Variants in SGCZ observed in about 807,000 individuals in gnomAD.
SGCZ encodes zeta-sarcoglycan.
A neutral mutation model predicts 41.3 loss-of-function variants in SGCZ; 40 were observed. The observed-to-expected ratio is 0.97, with a 90% CI of 0.75 to 1.26. The LOEUF is 1.26. Among genes scored for constraint, SGCZ ranks in the 50% most tolerant of loss-of-function variants. SGCZ has a pLI of 0.00. For synonymous variants in SGCZ, 206 were observed against 137.5 expected (o/e 1.50, Z -3.49); for missense variants, 552 against 369.8 (o/e 1.49, Z -4.04).
chr8:14,135,501 G>C (rs1198278388), intron 5 of SGCZ, among the ~76,000 whole-genome samples: 1 of 152,142 alleles, frequency 6.6e-6, no homozygotes, highest in Admixed American at 6.5e-5. Context: ...ATCTTGAGTA[G>C]TCATGGGCAT....
chr8:14,295,027 C>A (rs907208374), intron 3 of SGCZ, among the ~76,000 whole-genome samples: 5 of 152,046 alleles, frequency 3.3e-5, no homozygotes, highest in Non-Finnish European at 1.5e-5. Flanking sequence ...TTTTCAATTT[C>A]TTGAAAATTA....
chr8:14,374,052 A>G (rs1804013752), intron 2 of SGCZ, among the ~76,000 whole-genome samples: 1 of 152,232 alleles, frequency 6.6e-6, no homozygotes, highest in Non-Finnish European at 1.5e-5. Flanking sequence ...GAGAAGATGG[A>G]GACTTGCTAG....
chr8:15,206,727 G>GT (rs1218835707), intron 1 of SGCZ, among the ~76,000 whole-genome samples: 1 of 152,042 alleles, frequency 6.6e-6, no homozygotes, highest in Non-Finnish European at 1.5e-5. Context: ...GATTACAGGC[G>GT]TGAGCCACTG....
At chr8:14,561,258 G>C (rs1041440222) in intron 1 of SGCZ, among the ~76,000 whole-genome samples, 1 of 151,974 alleles carries the variant, frequency 6.6e-6, no homozygotes, top group South Asian at 2.1e-4. Context: ...TGTTTTCTTT[G>C]GCATTATGAA....
rs1289152247 is a variant in SGCZ, at chr8:14,086,861, A to G, written c.*3582T>C. Among the ~76,000 whole-genome samples the G allele has an allele frequency of 1.3e-5, 2 of 151,712 alleles. No individual in the cohort carries two copies. Among genetic ancestry groups the G allele is most frequent in the Non-Finnish European group, 3.0e-5 (2 of 67,736 alleles). On this transcript the variant is annotated 3_prime_UTR_variant, in exon 8 of 8. Coordinates refer to ENST00000382080, the MANE Select transcript of SGCZ (RefSeq NM_139167.4). ...TAGTTCAGATATGGCTACTTAACCT[A>G]AGATTTATGAGTGCTTCCTTAACTG...
At chr8:14,231,510 T>C (rs995564255) in intron 4 of SGCZ, among the ~76,000 whole-genome samples, 7 of 151,962 alleles carry the variant, frequency 4.6e-5, no homozygotes, top group Non-Finnish European at 1.0e-4. Context: ...TAATTTAAAG[T>C]GTATTTAAAA....
At chr8:15,228,017 A>G (rs1801831130) in intron 1 of SGCZ, among the ~76,000 whole-genome samples, 1 of 152,224 alleles carries the variant, frequency 6.6e-6, no homozygotes, top group African/African-American at 2.4e-5. Flanking sequence ...AGTTTCTGAA[A>G]TTCACTTTGA....
At chr8:14,886,211 T>G (rs930647843) in intron 1 of SGCZ, among the ~76,000 whole-genome samples, 10 of 151,692 alleles carry the variant, frequency 6.6e-5, no homozygotes, top group African/African-American at 2.4e-4. Flanking sequence ...TTAGCATACT[T>G]CATTTCAACA....
intron 4 of SGCZ, among the ~76,000 whole-genome samples, chr8:14,235,877 G>A (rs893448228): frequency 1.2e-4 from 19 of 152,106 alleles, no homozygotes; most frequent in African/African-American, 4.6e-4. Context: ...TAGAGATGGG[G>A]TTTCACCATG....
intron 4 of SGCZ, among the ~76,000 whole-genome samples, chr8:14,225,798 A>C (rs1806352246): frequency 6.6e-6 from 1 of 152,126 alleles, no homozygotes; most frequent in Non-Finnish European, 1.5e-5. Context: ...ATCAGCCTTA[A>C]GATTGAAAAT....
chr8:14,595,113 AT>A (rs2117295940), intron 1 of SGCZ, among the ~76,000 whole-genome samples: 1 of 150,408 alleles, frequency 6.6e-6, no homozygotes, highest in Admixed American at 6.6e-5. Flanking sequence ...TTGTATTAAC[AT>A]CAATAATGAT....
At chr8:14,407,113 G>C (rs768518280) in intron 2 of SGCZ, among the ~76,000 whole-genome samples, 1 of 143,362 alleles carries the variant, frequency 7.0e-6, no homozygotes, top group African/African-American at 2.6e-5. Flanking sequence ...TCTGTCACCA[G>C]GCTGGAGTGC....
At chr8:14,921,796 A>G (rs2130792156) in intron 1 of SGCZ, among the ~76,000 whole-genome samples, 1 of 152,274 alleles carries the variant, frequency 6.6e-6, no homozygotes, top group East Asian at 1.9e-4. Flanking sequence ...CTCCTTATAT[A>G]ACCCGACTTT....
At chr8:15,078,147 C>CTTTTTTTTTTT (rs34411963) in intron 1 of SGCZ, among the ~76,000 whole-genome samples, 6 of 44,798 alleles carry the variant, frequency 1.3e-4, no homozygotes, top group African/African-American at 5.2e-4. Context: ...AGGAACTCTT[C>CTTTTTTTTTTT]TTTTTTTTTT....
In SGCZ at chr8:14,162,045, C is replaced by G. The variant is rs939421465; in HGVS notation, c.547+2535G>C. Among the ~76,000 whole-genome samples, 12 of 152,282 alleles carry G rather than the reference C, an allele frequency of 7.9e-5. No individual in the cohort carries two copies. In the East Asian group the frequency reaches 2.3e-3, roughly 29 times the overall value. ...AAAAACTTAGATTTTTCAGGAAGCA[C>G]TTTCTTGCCAATTTGGGCTAAGGAA... On this transcript the variant is annotated intron_variant, in intron 5 of 7. Transcript: ENST00000382080.
chr8:15,167,718 T>C (rs1799708617), intron 1 of SGCZ, among the ~76,000 whole-genome samples: 1 of 152,226 alleles, frequency 6.6e-6, no homozygotes. Flanking sequence ...AAATTATATT[T>C]CAAACTTATA....
At chr8:14,808,680 C>T (rs1801634320) in intron 1 of SGCZ, among the ~76,000 whole-genome samples, 1 of 152,088 alleles carries the variant, frequency 6.6e-6, no homozygotes, top group Admixed American at 6.6e-5. Context: ...GGCGATTCCT[C>T]AGGGATCTAG....
At chr8:14,437,469 C>G (rs1259146479) in intron 2 of SGCZ, among the ~76,000 whole-genome samples, 1 of 152,034 alleles carries the variant, frequency 6.6e-6, no homozygotes, top group Non-Finnish European at 1.5e-5. Context: ...TTAAAGAAAT[C>G]TGCAAACTGA....
intron 1 of SGCZ, among the ~76,000 whole-genome samples, chr8:14,709,472 G>A (rs1289655405): frequency 1.3e-5 from 2 of 152,042 alleles, no homozygotes; most frequent in African/African-American, 4.8e-5. Context: ...GGAGGAAGAA[G>A]AGGAGGAACT....
Sources: allele counts gnomAD v4.1 joint callset (sites outside exome capture counted in the v4.1 genomes callset), GRCh38; gene constraint gnomAD v4.1.1; transcripts MANE v1.5; gene names NCBI Gene and HGNC (gene_info 2026-07-23, HGNC 2026-07-21).